GGT6: variants seen among roughly 807,000 people sequenced by gnomAD.
GGT6 encodes the protein gamma-glutamyltransferase 6.
Under a neutral mutation model 17.0 loss-of-function variants are expected in GGT6, and 13 were observed. The observed-to-expected ratio is 0.77, with a 90% confidence interval of 0.50 to 1.22. The LOEUF is 1.22. Ranked by LOEUF, GGT6 falls within the 50% of genes most tolerant of loss-of-function variation. The probability of loss-of-function intolerance (pLI) is 0.00; values close to 1 mark genes in which losing one functional copy is unlikely to be tolerated. For synonymous variants in GGT6, 305 were observed against 297.9 expected (o/e 1.02, Z -0.25); for missense variants, 628 against 643.7 (o/e 0.98, Z 0.26).
Position 4,557,825 on chromosome 17 carries a change from T to G in GGT6, c.*190A>C. 7.7e-6 allele frequency: 4 copies of G among 518,142 alleles called. No homozygotes were observed. The highest frequency in any genetic ancestry group is 1.4e-5 in the Non-Finnish European group (4 of 295,860). The allele number at this position is 518,142 out of a possible 1,614,324, so 32.1% of individuals were successfully genotyped here. A position where few individuals can be genotyped will look rare whatever the true frequency, so the allele number is the denominator to read the frequency against. ...ATTTTTAGTACAGATGAGATCTTGC[T>G]TTGTTGTCTAGGCTAGTTTCAAACT... On this transcript the variant is annotated 3_prime_UTR_variant, in exon 4 of 4. Coordinates refer to ENST00000381550, the MANE Select transcript of GGT6 (RefSeq NM_001288702.2).
chr17:4,558,382 G>A lies in GGT6; in HGVS notation c.1133C>T (p.Ser378Phe), dbSNP rs772301151. The A allele has an allele frequency of 6.2e-7, 1 of 1,605,608 alleles. No homozygotes were observed. The highest frequency in any genetic ancestry group is 8.5e-7 in the Non-Finnish European group (1 of 1,180,004). ...VLLLTSSLNC[S>F]FGSAHLSPST... Reference sequence around the variant, plus strand: ...TGGGGACAGGTGTGCAGAGCCAAAGGAGCAGTTGAGCGAGGAGGTGAGAAG... The same window carrying A: ...TGGGGACAGGTGTGCAGAGCCAAAGAAGCAGTTGAGCGAGGAGGTGAGAAG... The change falls in exon 4 of 4, where the codon TCC becomes TTC. Residue 378 changes from serine to phenylalanine, a missense_variant. By Grantham distance (155) the Ser-to-Phe change is radical (BLOSUM62 -2). Coordinates refer to ENST00000381550, the MANE Select transcript of GGT6 (RefSeq NM_001288702.2).
At position 4,558,683 on chromosome 17, in the gene GGT6, C is replaced by A. The variant is rs373876908; in HGVS notation, c.832G>T (p.Asp278Tyr). ...ALAPTSDLAG[D>Y]ALLSLLAGDL... ...CCCGCCAGTAGACTCAGTAGAGCAT[C>A]CCCAGCAAGGTCTGAGGTGGGAGCG... The change falls in exon 4 of 4, where the codon GAT becomes TAT. Residue 278 changes from aspartate to tyrosine, a missense_variant. Physicochemically the swap from Asp to Tyr is radical, Grantham distance 160 (BLOSUM62 -3). Coordinates refer to ENST00000381550, the MANE Select transcript of GGT6 (RefSeq NM_001288702.2). The A allele has an allele frequency of 1.2e-6, 2 of 1,605,354 alleles. No homozygotes were observed. The highest frequency in any genetic ancestry group is 2.7e-5 in the African/African-American group (2 of 74,828).
At position 4,557,935 on chromosome 17, in the gene GGT6, T is replaced by C; in HGVS notation, c.*80A>G. 4.2e-6 allele frequency: 4 copies of C among 951,954 alleles called. No homozygotes were observed. Among genetic ancestry groups the C allele is most frequent in the Non-Finnish European group, 6.1e-6 (4 of 653,448 alleles). 59.0% of individuals were successfully genotyped at this position (951,954 alleles called of 1,614,324 possible). A position where few individuals can be genotyped will look rare whatever the true frequency, so the allele number is the denominator to read the frequency against. ...GGCACCACACCCTGCGGGTGCACAC[T>C]CCATTGCTGCTGTGTCTGCTCTGCT... is the stretch of plus-strand genomic sequence containing the variant. On this transcript the variant is annotated 3_prime_UTR_variant, in exon 4 of 4. Coordinates refer to ENST00000381550, the MANE Select transcript of GGT6 (RefSeq NM_001288702.2).
At chr17:4,559,155 T>C in intron 3 of GGT6, 98 bp from the exon 4 acceptor site, 1 of 1,445,436 alleles carries the variant, frequency 6.9e-7, no homozygotes. Context: ...CAGGAGTTAC[T>C]GACCAGGCCT....
chr17:4,559,943 G>T (rs774247249), intron 1 of GGT6, 183 bp from the exon 2 acceptor site: 6 of 621,326 alleles, frequency 9.7e-6, no homozygotes, highest in Non-Finnish European at 1.4e-5. Context: ...AAAGCATCTG[G>T]GGAAACTGAG....
intron 2 of GGT6, 37 bp from the exon 3 acceptor site, chr17:4,559,493 G>C: frequency 1.3e-6 from 2 of 1,576,276 alleles, no homozygotes; most frequent in Admixed American, 1.9e-5. Context: ...AGCAAGGAGG[G>C]GGGCTAGGCT....
chr17:4,560,453 C>G lies in GGT6; in HGVS notation c.69G>C (p.Glu23Asp), dbSNP rs956689561. ...LLPWEPSLES[E>D]EEVEEEETSE... ...ATGTCTCCTCCTCCTCCACTTCCTC[C>G]TCCGACTCCAAGCTTGGCTCCCAGG... Residue 23 changes from glutamate (E) to aspartate (D), a missense_variant, in exon 1 of 4, where the codon GAG becomes GAC. By Grantham distance (45) the Glu-to-Asp change is conservative. Transcript: ENST00000381550. 1 of 1,614,098 alleles carries G rather than the reference C, an allele frequency of 6.2e-7. No individual in the cohort carries two copies. The highest frequency in any genetic ancestry group is 8.5e-7 in the Non-Finnish European group (1 of 1,180,028).
At position 4,559,618 on chromosome 17, in the gene GGT6, G is replaced by C. The variant is rs1459875663; in HGVS notation, c.283C>G (p.Pro95Ala). ...CCAGGGCCGTGGGAGTGTCCGCCGG[G>C]TGGAGGGGCCACAGAGCCCAAGCTT... ...TGSLGSVAPPPGGHSHGPGVY... is the reference protein window; with the variant it reads ...TGSLGSVAPPAGGHSHGPGVY... The change falls in exon 2 of 4, where the codon CCC becomes GCC. Residue 95 changes from proline to alanine, a missense_variant. Physicochemically the swap from Pro to Ala is conservative, Grantham distance 27. Transcript: ENST00000381550. 9 of 1,613,716 alleles carry C rather than the reference G, an allele frequency of 5.6e-6. No individual in the cohort carries two copies. The highest frequency in any genetic ancestry group is 1.3e-5 in the African/African-American group (1 of 74,936).
Position 4,559,674 on chromosome 17 carries a change from C to T in GGT6, c.227G>A (p.Arg76Lys), listed in dbSNP as rs1908493982. ...LLAVGCSLAV[R>K]QLQNQGRSTG... Reference sequence around the variant, plus strand: ...CGACCTGCCCTGATTCTGGAGCTGCCTCACAGCCAGGGAGCAGCCAACAGC... The same window carrying T: ...CGACCTGCCCTGATTCTGGAGCTGCTTCACAGCCAGGGAGCAGCCAACAGC... The change falls in exon 2 of 4, where the codon AGG becomes AAG. Residue 76 changes from arginine to lysine, a missense_variant. Arg to Lys is a conservative substitution (Grantham distance 26). Transcript: ENST00000381550. 1.9e-6 allele frequency: 3 copies of T among 1,612,860 alleles called. No homozygotes were observed. The highest frequency in any genetic ancestry group is 2.2e-5 in the South Asian group (2 of 91,088).
chr17:4,559,092 G>C (rs1038809724), intron 3 of GGT6, 35 bp from the exon 4 acceptor site: 1 of 1,539,158 alleles, frequency 6.5e-7, no homozygotes, highest in East Asian at 2.4e-5. Context: ...AGCAGCCGCA[G>C]GTCAAGGGTC....
intron 2 of GGT6, 38 bp downstream of exon 2, chr17:4,559,520 A>ACCCTC (rs1567622010): frequency 1.3e-6 from 2 of 1,588,624 alleles, no homozygotes; most frequent in Non-Finnish European, 8.6e-7. Context: ...GTGACCCCTG[A>ACCCTC]CCCTCCCCTC....
Position 4,558,276 on chromosome 17 carries a change from G to C in GGT6, c.1239C>G (p.Ser413Arg). 1.2e-6 allele frequency: 2 copies of C among 1,614,072 alleles called. No individual in the cohort carries two copies. The highest frequency in any genetic ancestry group is 2.2e-5 in the South Asian group (2 of 91,090). The part of the protein sequence containing the change: ...AWACPLILRG[S>R]LDDTEADVLG... ...ACACATCAGCCTCTGTGTCATCCAG[G>C]CTGCCACGGAGGATGAGGGGGCAGG... Residue 413 changes from serine to arginine, a missense_variant, in exon 4 of 4, where the codon AGC becomes AGG. Physicochemically the swap from Ser to Arg is moderately radical, Grantham distance 110 (BLOSUM62 -1). Transcript: ENST00000381550.
chr17:4,559,102 C>T (rs1908434221), intron 3 of GGT6, 45 bp from the exon 4 acceptor site: 1 of 1,538,752 alleles, frequency 6.5e-7, no homozygotes, highest in African/African-American at 1.4e-5. Context: ...GGTCAAGGGT[C>T]ACTGACTTGT....
rs768266892 is a variant in GGT6 at position 4,558,717 on chromosome 17, G to A, written c.798C>T (p.Ser266=). The change falls in exon 4 of 4, where the codon AGC becomes AGT. Residue 266 remains serine, a synonymous_variant. Transcript: ENST00000381550. ...GGTCTGAGGTGGGAGCGAGGGCTGC[G>A]CTGCGAAGCACAGCTGCCAGTTGTG... ...TNPQLAAVLR[S]AALAPTSDLA... 8.7e-6 allele frequency: 14 copies of A among 1,604,500 alleles called. No homozygotes were observed. The highest frequency in any genetic ancestry group is 8.6e-5 in the Admixed American group (5 of 58,210).
Position 4,558,961 on chromosome 17 carries a change from A to T in GGT6, c.554T>A (p.Leu185Gln), listed in dbSNP as rs982545242. 7 of 1,542,696 alleles carry T rather than the reference A, an allele frequency of 4.5e-6. No homozygotes were observed. The highest frequency in any genetic ancestry group is 6.1e-6 in the Non-Finnish European group (7 of 1,145,078). The change falls in exon 4 of 4, where the codon CTG becomes CAG. Residue 185 changes from leucine to glutamine, a missense_variant. Coordinates refer to ENST00000381550, the MANE Select transcript of GGT6 (RefSeq NM_001288702.2). The stretch of plus-strand genomic sequence containing the variant: ...GTGCAGGGTGGGCAGAGCCGCGGGC[A>T]GCCCCAGGCCGGGGGCCAGGGTCTG... The part of the protein sequence containing the change: ...PAQTLAPGLG[L>Q]PAALPTLHLL...
rs1357287495 is a variant in GGT6 at position 4,559,348 on chromosome 17, C to T, written c.452G>A (p.Gly151Glu). 2 of 1,550,774 alleles carry T rather than the reference C, an allele frequency of 1.3e-6. No individual in the cohort carries two copies. The highest frequency in any genetic ancestry group is 1.7e-6 in the Non-Finnish European group (2 of 1,146,162). ...CLAVVHPHATGLGAMFWGLFH... is the reference protein window; with the variant it reads ...CLAVVHPHATELGAMFWGLFH... ...TGGGGTCAGGGGTCACTGACCTAGC[C>T]CCGTGGCATGAGGATGCACCACTGC... The change falls in exon 3 of 4, where the codon GGG becomes GAG. Residue 151 changes from glycine to glutamate, a missense_variant. Coordinates refer to ENST00000381550, the MANE Select transcript of GGT6 (RefSeq NM_001288702.2).
intron 3 of GGT6, 137 bp from the exon 4 acceptor site, chr17:4,559,194 A>G (rs779221119): frequency 6.3e-6 from 8 of 1,273,576 alleles, no homozygotes; most frequent in Non-Finnish European, 7.7e-6. Context: ...ACCCGGGCTC[A>G]AGGGTCATAG....
rs1442436861 is a variant in GGT6 at position 4,559,068 on chromosome 17, C to CA, written c.458-12dup. The CA allele has an allele frequency of 2.6e-6, 4 of 1,539,572 alleles. No homozygotes were observed. The East Asian group carries it at 9.8e-5, about 38-fold the overall frequency. ...CCCAAAACATGGCACCTGCAGGAGACAGAGGGGTCCCTCAGCAGCCGCAGG... is the reference window on the plus strand; with the variant it reads ...CCCAAAACATGGCACCTGCAGGAGACAAGAGGGGTCCCTCAGCAGCCGCAGG... On this transcript the variant is annotated splice_polypyrimidine_tract_variant and intron_variant, in intron 3 of 3. Transcript: ENST00000381550.
chr17:4,560,419 G>A lies in GGT6; in HGVS notation c.103C>T (p.Leu35=), dbSNP rs1178235648. 9 of 1,614,018 alleles carry A rather than the reference G, an allele frequency of 5.6e-6. No individual in the cohort carries two copies. Among genetic ancestry groups the A allele is most frequent in the Non-Finnish European group, 7.6e-6 (9 of 1,180,014 alleles). ...EVEEEETSEA[L]VLNPRRHQDS... ...TGGTGCCTCCGGGGGTTTAGAACCA[G>A]CGCCTCTGATGTCTCCTCCTCCTCC... Residue 35 remains leucine, a synonymous_variant, in exon 1 of 4, where the codon CTG becomes TTG. Transcript: ENST00000381550.
Sources: gnomAD v4.1 joint callset for allele counts on GRCh38, gnomAD v4.1.1 for gene constraint, MANE v1.5 for transcripts, NCBI Gene and HGNC (gene_info 2026-07-23, HGNC 2026-07-21) for gene names.